ATXN7L3: variants seen among roughly 807,000 people sequenced by gnomAD.
ATXN7L3 encodes ataxin 7 like 3, also known as ataxin-7-like protein 3.
ATXN7L3 carries 6 observed loss-of-function variants against 50.0 expected under a neutral mutation model. The observed-to-expected ratio is 0.12, with a 90% confidence interval of 0.07 to 0.24. The LOEUF (loss-of-function observed/expected upper bound fraction) is 0.24, where lower values mean the gene tolerates loss of function less well. Ranked by LOEUF, ATXN7L3 falls within the 10% of genes least tolerant of loss-of-function variation. ATXN7L3 has a pLI of 1.00. For missense variants in ATXN7L3, 322 were observed against 451.3 expected, an observed-to-expected ratio of 0.71 and a Z score of 2.60; for synonymous variants, 198 against 165.8, an observed-to-expected ratio of 1.19 and a Z score of -1.49.
Position 44,194,357 on chromosome 17 carries a change from A to G in ATXN7L3, c.950T>C (p.Leu317Pro), listed in dbSNP as rs1279701351. Residue 317 changes from leucine to proline, a missense_variant, in exon 13 of 13, where the codon CTG (leucine) becomes CCG (proline). Around this residue, in one of 5 missense-constraint regions of ATXN7L3, gnomAD observed 122 missense variants for 130.8 expected, o/e 0.93. Transcript: ENST00000587097. ...KTKKKKSHLSLVGTASGLGSN... is the reference protein window; with the variant it reads ...KTKKKKSHLSPVGTASGLGSN... The stretch of plus-strand genomic sequence containing the variant: ...ACCTAGGCCGGAGGCAGTCCCTACC[A>G]GGCTCAGATGGGATTTCTTTTTCTT... The G allele has an allele frequency of 1.2e-6, 2 of 1,614,226 alleles. No individual in the cohort carries two copies. The highest frequency in any genetic ancestry group is 2.2e-5 in the East Asian group (1 of 44,888).
chr17:44,197,845 T>C, intron 2 of ATXN7L3, 115 bp from the exon 3 acceptor site: 3 of 1,552,348 alleles, frequency 1.9e-6, no homozygotes, highest in Non-Finnish European at 2.6e-6. Flanking sequence ...TTTGCCATTT[T>C]CCCCATCTTG....
chr17:44,197,971 T>C, intron 2 of ATXN7L3, 49 bp downstream of exon 2: 1 of 1,593,064 alleles, frequency 6.3e-7, no homozygotes, highest in Non-Finnish European at 8.6e-7. Flanking sequence ...TACAGCGACG[T>C]AGAGACATCA....
intron 7 of ATXN7L3, 40 bp from the exon 8 acceptor site, chr17:44,195,868 A>G: frequency 1.9e-6 from 3 of 1,594,570 alleles, no homozygotes; most frequent in Non-Finnish European, 2.6e-6. Flanking sequence ...TTTGATGCAG[A>G]GGTACAGACA....
intron 3 of ATXN7L3, 73 bp from the exon 4 acceptor site, chr17:44,197,472 C>T (rs73316169): frequency 3.2e-6 from 5 of 1,573,010 alleles, no homozygotes; most frequent in Non-Finnish European, 4.3e-6. Context: ...GGTCCCACGG[C>T]CTCTTCAATC....
rs558393960 is a variant in ATXN7L3, at chr17:44,194,341, G to A, written c.966C>T (p.Ser322=). 5.6e-5 allele frequency: 91 copies of A among 1,614,212 alleles called. No individual in the cohort carries two copies. The highest frequency in any genetic ancestry group is 1.7e-4 in the Admixed American group (10 of 60,028). Residue 322 remains serine, a synonymous_variant, in exon 13 of 13, where the codon TCC becomes TCT. Transcript: ENST00000587097. Reference sequence around the variant, plus strand: ...TCTTCTTCTTGTTGGAACCTAGGCCGGAGGCAGTCCCTACCAGGCTCAGAT... The same window carrying A: ...TCTTCTTCTTGTTGGAACCTAGGCCAGAGGCAGTCCCTACCAGGCTCAGAT... The part of the protein sequence containing the change: ...KSHLSLVGTA[S]GLGSNKKKKP...
chr17:44,197,880 G>A (rs1329195707), intron 2 of ATXN7L3, 140 bp downstream of exon 2: 3 of 1,516,870 alleles, frequency 2.0e-6, no homozygotes, highest in Non-Finnish European at 2.7e-6. Context: ...CTTCTTCCTG[G>A]ATCCTTGGCT....
rs201929567 is a variant in ATXN7L3, at chr17:44,195,456, G to T, written c.584C>A (p.Thr195Asn). The change falls in exon 9 of 13, where the codon ACC (threonine) becomes AAC (asparagine). Residue 195 changes from threonine to asparagine, a missense_variant. Thr to Asn is a moderately conservative substitution (Grantham distance 65, BLOSUM62 0). Around this residue, in one of 5 missense-constraint regions of ATXN7L3, gnomAD observed 95 missense variants for 98.1 expected, o/e 0.97. Transcript: ENST00000587097. ...YNNSTGISYE[T>N]LGPEELRSLL... ...GCTGCGAAGCTCCTCCGGCCCCAGG[G>T]TCTCATAGCTGATCCCAGTTGAATT... 3.2e-5 allele frequency: 51 copies of T among 1,613,982 alleles called. No individual in the cohort carries two copies. Among genetic ancestry groups the T allele is most frequent in the Middle Eastern group, 1.6e-4 (1 of 6,084 alleles).
chr17:44,197,203 G>C (rs1448219789), intron 4 of ATXN7L3, 25 bp downstream of exon 4: 3 of 1,579,008 alleles, frequency 1.9e-6, no homozygotes, highest in Non-Finnish European at 2.6e-6. Context: ...AGGCTGCAGA[G>C]AACGGGCAGC....
chr17:44,195,371 G>A, intron 9 of ATXN7L3, 48 bp downstream of exon 9: 1 of 1,577,322 alleles, frequency 6.3e-7, no homozygotes, highest in African/African-American at 1.3e-5. Flanking sequence ...ACTGCCTATG[G>A]CTCCAGCCCA....
Position 44,191,891 on chromosome 17 carries a change from G to A in ATXN7L3, c.*2372C>T, listed in dbSNP as rs1009709175. 7.9e-5 allele frequency: 20 copies of A among 253,282 alleles called. No individual in the cohort carries two copies. Among genetic ancestry groups the A allele is most frequent in the African/African-American group, 4.0e-4 (17 of 43,010 alleles). 15.7% of individuals were successfully genotyped at this position (253,282 alleles called of 1,614,324 possible). A position where few individuals can be genotyped will look rare whatever the true frequency, so the allele number is the denominator to read the frequency against. ...GTTTACAAAGTTAGCTACCTGTACA[G>A]AATGGATTACATATGCAAAAATAAA... On this transcript the variant is annotated 3_prime_UTR_variant, in exon 13 of 13. Transcript: ENST00000587097.
At chr17:44,195,233 C>T in intron 9 of ATXN7L3, 93 bp from the exon 10 acceptor site, 1 of 1,453,094 alleles carries the variant, frequency 6.9e-7, no homozygotes, top group Admixed American at 1.7e-5. Context: ...ATAGCACAAG[C>T]AGAGATGGCC....
At position 44,199,807 on chromosome 17, in the gene ATXN7L3, G is replaced by C. The variant is rs2056079725; in HGVS notation, c.-372C>G. On this transcript the variant is annotated 5_prime_UTR_variant, in exon 1 of 13. Transcript: ENST00000587097. ...CCCCACTCCAGCCCGCCTCTCCCGG[G>C]CGGGGGGTGCGGCGCGAGCCCGGAG... The C allele has an allele frequency of 6.8e-6, 1 of 147,708 alleles. No homozygotes were observed. The highest frequency in any genetic ancestry group is 1.5e-5 in the Non-Finnish European group (1 of 66,038). 9.1% of individuals were successfully genotyped at this position (147,708 alleles called of 1,614,324 possible).
Position 44,193,110 on chromosome 17 carries a change from C to G in ATXN7L3, c.*1153G>C, listed in dbSNP as rs2055755748. ...TCCCCTCCACTGACAACCTGGGGCA[C>G]AGAGGCCACCCTCTCTTCCCACCCA... is the stretch of plus-strand genomic sequence containing the variant. On this transcript the variant is annotated 3_prime_UTR_variant, in exon 13 of 13. Transcript: ENST00000587097. The G allele has an allele frequency of 6.6e-6, 1 of 152,280 alleles. No individual in the cohort carries two copies. Among genetic ancestry groups the G allele is most frequent in the Non-Finnish European group, 1.5e-5 (1 of 68,136 alleles). The allele number at this position is 152,280 out of a possible 1,614,324, so 9.4% of individuals were successfully genotyped here.
intron 1 of ATXN7L3, chr17:44,198,432 T>A (rs1267010719): frequency 4.2e-6 from 1 of 238,870 alleles, no homozygotes; most frequent in East Asian, 9.2e-5. Context: ...CATGGTGCAA[T>A]GCAGCAGGGG....
chr17:44,197,061 G>A (rs1186144180), intron 4 of ATXN7L3, 35 bp from the exon 5 acceptor site: 73 of 1,577,216 alleles, frequency 4.6e-5, no homozygotes, highest in Non-Finnish European at 6.2e-5. Context: ...GGGCCAAGGG[G>A]AAGGAAGAGA....
At chr17:44,196,226 T>TGGC in intron 6 of ATXN7L3, 147 bp from the exon 7 acceptor site, 2 of 737,690 alleles carry the variant, frequency 2.7e-6, no homozygotes, top group Non-Finnish European at 4.3e-6. Context: ...CCATGTGCCC[T>TGGC]CCCCCACCCC....
At chr17:44,196,875 C>A (rs1366587011) in intron 5 of ATXN7L3, 54 bp downstream of exon 5, 14 of 1,336,036 alleles carry the variant, frequency 1.0e-5, no homozygotes, top group Non-Finnish European at 1.5e-5. Context: ...ATACCCAATT[C>A]CTGCTTCCCA....
Position 44,194,677 on chromosome 17 carries a change from G to C in ATXN7L3, c.738-3C>G. On this transcript the variant is annotated splice_region_variant and splice_polypyrimidine_tract_variant and intron_variant, in intron 11 of 12. Transcript: ENST00000587097. ...AGCTCTCGACCTCTGGAAGGACACT[G>C]GAAAGGGGATGAGCCAAAGAAGGGC... The C allele has an allele frequency of 6.2e-7, 1 of 1,614,000 alleles. No homozygotes were observed. Among genetic ancestry groups the C allele is most frequent in the Non-Finnish European group, 8.5e-7 (1 of 1,179,910 alleles).
At chr17:44,195,903 G>A (rs2055869920) in intron 7 of ATXN7L3, 75 bp from the exon 8 acceptor site, 1 of 1,572,178 alleles carries the variant, frequency 6.4e-7, no homozygotes, top group African/African-American at 1.4e-5. Flanking sequence ...TAACCAGAGA[G>A]GAAGTGGGGG....
Sources: gnomAD v4.1 joint callset for allele counts on GRCh38, gnomAD v4.1.1 for gene constraint, gnomAD v4.1.1 regional missense constraint, MANE v1.5 for transcripts, NCBI Gene and HGNC (gene_info 2026-07-23, HGNC 2026-07-21) for gene names.